Variants in SPATA17 observed in about 807,000 individuals in gnomAD.
The protein encoded by SPATA17 is spermatogenesis-associated protein 17.
Under a neutral mutation model 62.2 loss-of-function variants are expected in SPATA17, and 53 were observed. The observed-to-expected ratio is 0.85, with a 90% CI of 0.68 to 1.07. The LOEUF is 1.07. Among genes scored for constraint, SPATA17 ranks in the 50% least tolerant of loss-of-function variants. The probability of loss-of-function intolerance (pLI) is 0.00; values close to 1 mark genes in which losing one functional copy is unlikely to be tolerated. For synonymous variants in SPATA17, 146 were observed against 146.8 expected (o/e 0.99, Z 0.04); for missense variants, 466 against 425.5 (o/e 1.10, Z -0.84).
chr1:217,716,854 T>A (rs182757005), intron 5 of SPATA17, among the ~76,000 whole-genome samples: 247 of 152,346 alleles, frequency 1.6e-3, no homozygotes, highest in African/African-American at 5.2e-3. Context: ...ACCTATCGTG[T>A]GCATGGTGTT....
At chr1:217,739,723 A>G (rs1213558011) in intron 5 of SPATA17, 1 of 152,116 alleles carries the variant, frequency 6.6e-6, no homozygotes, top group Non-Finnish European at 1.5e-5. Flanking sequence ...AAAAATGTAT[A>G]TATCAAGAAT....
At chr1:217,738,299 T>G (rs141252751) in intron 5 of SPATA17, among the ~76,000 whole-genome samples, 1 of 152,334 alleles carries the variant, frequency 6.6e-6, no homozygotes, top group East Asian at 1.9e-4. Context: ...TCATATTCCA[T>G]GCTCTATATT....
intron 6 of SPATA17, among the ~76,000 whole-genome samples, chr1:217,770,050 C>T (rs963969556): frequency 6.6e-5 from 10 of 151,730 alleles, no homozygotes; most frequent in African/African-American, 2.4e-4. Context: ...TCAGCAGTCC[C>T]TACCCTAGCA....
At chr1:217,774,206 C>G (rs1673529689) in intron 6 of SPATA17, 128 bp from the exon 7 acceptor site, 1 of 725,210 alleles carries the variant, frequency 1.4e-6, no homozygotes, top group Admixed American at 2.9e-5. Flanking sequence ...AAGTCCACCT[C>G]TGGTTAAGAA....
chr1:217,702,728 T>G (rs902341355), intron 5 of SPATA17, among the ~76,000 whole-genome samples: 2 of 152,198 alleles, frequency 1.3e-5, no homozygotes, highest in African/African-American at 4.8e-5. Flanking sequence ...GGTAATCCTT[T>G]GGCATTTTTT....
chr1:217,817,622 G>A (rs551625065), intron 9 of SPATA17, among the ~76,000 whole-genome samples: 1 of 152,096 alleles, frequency 6.6e-6, no homozygotes, highest in Admixed American at 6.6e-5. Context: ...TAAGATCCTC[G>A]ACTGAGTGGA....
chr1:217,641,372 AT>A (rs1341844213), intron 1 of SPATA17, among the ~76,000 whole-genome samples: 1 of 152,136 alleles, frequency 6.6e-6, no homozygotes, highest in Non-Finnish European at 1.5e-5. Flanking sequence ...TGGTAGTATT[AT>A]AAAAATGTAG....
intron 4 of SPATA17, among the ~76,000 whole-genome samples, chr1:217,676,173 A>G (rs1284327483): frequency 6.6e-6 from 1 of 152,158 alleles, no homozygotes; most frequent in East Asian, 1.9e-4. Flanking sequence ...CTCACCATCT[A>G]AAAGAATATT....
At chr1:217,753,174 T>TA (rs1218774294) in intron 6 of SPATA17, among the ~76,000 whole-genome samples, 1 of 152,146 alleles carries the variant, frequency 6.6e-6, no homozygotes, top group Non-Finnish European at 1.5e-5. Flanking sequence ...GCCAGGGTCC[T>TA]ACCCTGTGCC....
intron 9 of SPATA17, among the ~76,000 whole-genome samples, chr1:217,825,932 T>C (rs1344812049): frequency 6.6e-6 from 1 of 152,152 alleles, no homozygotes; most frequent in Non-Finnish European, 1.5e-5. Flanking sequence ...GATTTATTCC[T>C]AAGTAATTTA....
intron 5 of SPATA17, among the ~76,000 whole-genome samples, chr1:217,727,299 C>CT (rs1423977575): frequency 7.5e-5 from 11 of 147,494 alleles, no homozygotes; most frequent in African/African-American, 2.7e-4. Context: ...CAACAAAAAA[C>CT]TGTTATTCTT....
intron 6 of SPATA17, among the ~76,000 whole-genome samples, chr1:217,760,288 A>T (rs1049339131): frequency 4.6e-5 from 7 of 152,214 alleles, no homozygotes; most frequent in Non-Finnish European, 8.8e-5. Context: ...TACTATCAAG[A>T]TCAGAACAAA....
At chr1:217,755,752 A>G (rs897718906) in intron 6 of SPATA17, among the ~76,000 whole-genome samples, 10 of 152,146 alleles carry the variant, frequency 6.6e-5, no homozygotes, top group African/African-American at 2.2e-4. Flanking sequence ...ATAATTAAAT[A>G]ATGTTAATTA....
chr1:217,828,984 C>T (rs1675067609), intron 9 of SPATA17, among the ~76,000 whole-genome samples: 1 of 152,024 alleles, frequency 6.6e-6, no homozygotes, highest in Admixed American at 6.6e-5. Context: ...CCCTAGTACA[C>T]TGTTGATGGA....
At chr1:217,776,163 T>C (rs941556955) in intron 7 of SPATA17, among the ~76,000 whole-genome samples, 1 of 152,162 alleles carries the variant, frequency 6.6e-6, no homozygotes, top group African/African-American at 2.4e-5. Flanking sequence ...TATAACTAGA[T>C]TGTAGTACAA....
In SPATA17 at chr1:217,699,712, G is replaced by A. The variant is rs367684398; in HGVS notation, c.395+16351G>A. Among the ~76,000 whole-genome samples the A allele has an allele frequency of 7.3e-3, 1,115 of 151,828 alleles. 6 individuals are homozygous for A. The highest frequency in any genetic ancestry group is 0.012 in the Non-Finnish European group (822 of 67,912). ...CAGAACATAACTTTTTAATTTTAAC[G>A]GCATCCAGTTTTTGAATATTTCCTT... On this transcript the variant is annotated intron_variant, in intron 5 of 10. Transcript: ENST00000366933.
intron 9 of SPATA17, among the ~76,000 whole-genome samples, chr1:217,810,659 C>T (rs545257331): frequency 3.3e-5 from 5 of 151,866 alleles, no homozygotes; most frequent in Admixed American, 1.3e-4. Context: ...ATCTGAGACT[C>T]GGTTATTTTT....
At chr1:217,709,052 C>T (rs1363382292) in intron 5 of SPATA17, among the ~76,000 whole-genome samples, 1 of 152,116 alleles carries the variant, frequency 6.6e-6, no homozygotes, top group African/African-American at 2.4e-5. Flanking sequence ...TAAGAGCCAT[C>T]TATGACAAAC....
chr1:217,815,294 A>G (rs1309451831), intron 9 of SPATA17, among the ~76,000 whole-genome samples: 1 of 152,176 alleles, frequency 6.6e-6, no homozygotes, highest in African/African-American at 2.4e-5. Flanking sequence ...AAATACTTGA[A>G]ACATAACATG....
Sources: allele counts gnomAD v4.1 joint callset (sites outside exome capture counted in the v4.1 genomes callset), GRCh38; gene constraint gnomAD v4.1.1; transcripts MANE v1.5; gene names NCBI Gene and HGNC (gene_info 2026-07-23, HGNC 2026-07-21).